Variants in NRXN3 observed in about 807,000 individuals in gnomAD.
NRXN3 encodes the protein neurexin 3.
A neutral mutation model predicts 137.6 loss-of-function variants in NRXN3; 32 were observed. That is an observed-to-expected ratio of 0.23 (90% CI 0.18 to 0.31). The LOEUF (loss-of-function observed/expected upper bound fraction) is 0.31, where lower values mean the gene tolerates loss of function less well. Among genes scored for constraint, NRXN3 ranks in the 10% least tolerant of loss-of-function variants. The pLI, the probability that NRXN3 is intolerant of heterozygous loss-of-function variation, is 1.00. For missense variants in NRXN3, 1,574 were observed against 2,062.5 expected, an observed-to-expected ratio of 0.76 and a Z score of 4.59; for synonymous variants, 798 against 784.5, an observed-to-expected ratio of 1.02 and a Z score of -0.29.
chr14:78,881,964 G>T (rs2099130224), intron 10 of NRXN3, among the ~76,000 whole-genome samples: 1 of 151,662 alleles, frequency 6.6e-6, no homozygotes, highest in African/African-American at 2.4e-5. Flanking sequence ...GGGCTCCCCT[G>T]CTGTGTGCAA....
rs527798519 is a variant in NRXN3, at chr14:79,334,744, G to A, written c.3263-132477G>A. ...ATATATTAGTGTGGTAGTGGCAAGC[G>A]TGCTACATTATTATGATGTCCTCGG... On this transcript the variant is annotated intron_variant, in intron 15 of 20. Coordinates refer to ENST00000335750, the MANE Select transcript of NRXN3 (RefSeq NM_001330195.2). Among the ~76,000 whole-genome samples the A allele has an allele frequency of 4.6e-5, 7 of 152,236 alleles. No homozygotes were observed. In the South Asian group the frequency reaches 8.3e-4, roughly 18 times the overall value.
intron 15 of NRXN3, among the ~76,000 whole-genome samples, chr14:79,040,359 G>A (rs1266672913): frequency 6.6e-6 from 1 of 152,198 alleles, no homozygotes; most frequent in Non-Finnish European, 1.5e-5. Flanking sequence ...GCTAAGAAAA[G>A]TTTGTTACAT....
chr14:79,798,114 A>C (rs1294058904), intron 19 of NRXN3, among the ~76,000 whole-genome samples: 2 of 152,034 alleles, frequency 1.3e-5, no homozygotes, highest in Non-Finnish European at 2.9e-5. Context: ...GAAAAAAAAA[A>C]AAAATCATCC....
chr14:79,553,168 C>T (rs947307093), intron 16 of NRXN3, among the ~76,000 whole-genome samples: 5 of 151,970 alleles, frequency 3.3e-5, no homozygotes, highest in African/African-American at 4.8e-5. Context: ...TTTGGGGTAT[C>T]ATTTTCTGAG....
chr14:79,095,804 T>C (rs903037346), intron 15 of NRXN3, among the ~76,000 whole-genome samples: 1 of 152,180 alleles, frequency 6.6e-6, no homozygotes, highest in Admixed American at 6.5e-5. Context: ...ATTTTATTAC[T>C]TTCTCCCTAA....
At chr14:79,629,280 A>T (rs578191400) in intron 16 of NRXN3, among the ~76,000 whole-genome samples, 2 of 152,324 alleles carry the variant, frequency 1.3e-5, no homozygotes, top group South Asian at 2.1e-4. Flanking sequence ...ATGAAAAAAA[A>T]TAAGCAACAA....
chr14:79,617,930 A>AAAAAAAAG (rs1385000688), intron 16 of NRXN3, among the ~76,000 whole-genome samples: 5 of 148,732 alleles, frequency 3.4e-5, no homozygotes, highest in African/African-American at 1.0e-4. Context: ...AAAAAAAAAA[A>AAAAAAAAG]AACATGCTTA....
chr14:79,015,397 G>C (rs553677738), intron 15 of NRXN3, among the ~76,000 whole-genome samples: 1 of 152,338 alleles, frequency 6.6e-6, no homozygotes, highest in South Asian at 2.1e-4. Context: ...AAAGATGGCA[G>C]TGTGTAAGGC....
At chr14:79,598,909 G>A (rs567732226) in intron 16 of NRXN3, among the ~76,000 whole-genome samples, 1 of 152,294 alleles carries the variant, frequency 6.6e-6, no homozygotes, top group African/African-American at 2.4e-5. Flanking sequence ...AGGTGGCCCT[G>A]GGATGGGAAG....
chr14:79,091,820 G>A (rs1210940981), intron 15 of NRXN3, among the ~76,000 whole-genome samples: 4 of 151,940 alleles, frequency 2.6e-5, no homozygotes, highest in Admixed American at 1.3e-4. Context: ...GAATGATTAG[G>A]GAGAACTGTT....
At position 79,712,761 on chromosome 14, in the gene NRXN3, G is replaced by C. The variant is rs1041474808; in HGVS notation, c.4014+14824G>C. On this transcript the variant is annotated intron_variant, in intron 19 of 20. Coordinates refer to ENST00000335750, the MANE Select transcript of NRXN3 (RefSeq NM_001330195.2). ...TCTTGGAGGTCTCCCTTCTGGAGTCGTCTGACCTCCTGCTTTAGTCTGGGC... is the reference window on the plus strand; with the variant it reads ...TCTTGGAGGTCTCCCTTCTGGAGTCCTCTGACCTCCTGCTTTAGTCTGGGC... 7.9e-5 allele frequency among the ~76,000 whole-genome samples: 12 copies of C among 152,094 alleles called. 1 individual carries two copies. Among genetic ancestry groups the C allele is most frequent in the Non-Finnish European group, 1.8e-4 (12 of 68,018 alleles).
rs1454093934 is a variant in NRXN3, at chr14:79,866,110, C to G, written c.*4146C>G. On this transcript the variant is annotated 3_prime_UTR_variant, in exon 21 of 21. Coordinates refer to ENST00000335750, the MANE Select transcript of NRXN3 (RefSeq NM_001330195.2). ...CTAGAAGGATTTTAAGCCTTTTTGT[C>G]TCTTGTATAAATCTATACAGGTCCA... 1.3e-5 allele frequency: 2 copies of G among 152,128 alleles called. No individual in the cohort carries two copies. Among genetic ancestry groups the G allele is most frequent in the African/African-American group, 2.4e-5 (1 of 41,442 alleles). The allele number at this position is 152,128 out of a possible 1,614,324, so 9.4% of individuals were successfully genotyped here. A position where few individuals can be genotyped will look rare whatever the true frequency, so the allele number is the denominator to read the frequency against.
chr14:79,669,504 C>CTATT (rs1299323492), intron 17 of NRXN3, among the ~76,000 whole-genome samples: 1 of 152,088 alleles, frequency 6.6e-6, no homozygotes, highest in African/African-American at 2.4e-5. Flanking sequence ...TTGTGAGTTT[C>CTATT]TATTTCCAAG....
At position 79,866,884 on chromosome 14, in the gene NRXN3, A is replaced by G. The variant is rs2099418275; in HGVS notation, c.*4920A>G. On this transcript the variant is annotated 3_prime_UTR_variant, in exon 21 of 21. Transcript: ENST00000335750. Reference sequence around the variant, plus strand: ...AGTGTTCTGGATATATTAAAGGACAAGGTCAGATACCCAAGTGGGACCGTG... The same window carrying G: ...AGTGTTCTGGATATATTAAAGGACAGGGTCAGATACCCAAGTGGGACCGTG... 6.6e-6 allele frequency: 1 copy of G among 152,224 alleles called. No individual in the cohort carries two copies. Among genetic ancestry groups the G allele is most frequent in the African/African-American group, 2.4e-5 (1 of 41,462 alleles). The allele number at this position is 152,224 out of a possible 1,614,324, so 9.4% of individuals were successfully genotyped here. A position where few individuals can be genotyped will look rare whatever the true frequency, so the allele number is the denominator to read the frequency against.
chr14:78,604,266 A>G (rs1417742413), intron 4 of NRXN3, among the ~76,000 whole-genome samples: 6 of 151,640 alleles, frequency 4.0e-5, no homozygotes, highest in Non-Finnish European at 8.8e-5. Context: ...TTGGGTGGGG[A>G]CACAGCCAAA....
chr14:79,493,678 AG>A (rs897777957), intron 16 of NRXN3, among the ~76,000 whole-genome samples: 2 of 152,198 alleles, frequency 1.3e-5, no homozygotes, highest in African/African-American at 4.8e-5. Context: ...GACTGTAAAA[AG>A]TGACTACACC....
intron 19 of NRXN3, among the ~76,000 whole-genome samples, chr14:79,716,905 G>T (rs2098825622): frequency 6.6e-6 from 1 of 152,142 alleles, no homozygotes; most frequent in Admixed American, 6.5e-5. Flanking sequence ...CAAACCTGAT[G>T]AATAGTAGTT....
At chr14:78,484,264 C>A (rs910470219) in intron 4 of NRXN3, among the ~76,000 whole-genome samples, 10 of 152,082 alleles carry the variant, frequency 6.6e-5, no homozygotes, top group Non-Finnish European at 2.9e-5. Context: ...ACACACACAC[C>A]AATGAATGGT....
At chr14:79,060,239 C>CTCTTAT (rs1480312613) in intron 15 of NRXN3, among the ~76,000 whole-genome samples, 2 of 152,162 alleles carry the variant, frequency 1.3e-5, no homozygotes, top group East Asian at 3.9e-4. Flanking sequence ...AGCCAAGAAG[C>CTCTTAT]CTTAAGATAA....
Sources: allele counts gnomAD v4.1 joint callset (sites outside exome capture counted in the v4.1 genomes callset), GRCh38; gene constraint gnomAD v4.1.1; transcripts MANE v1.5; gene names NCBI Gene and HGNC (gene_info 2026-07-23, HGNC 2026-07-21).